Variants in RNF130 observed in about 807,000 individuals in gnomAD.
RNF130 encodes the protein E3 ubiquitin-protein ligase RNF130.
A neutral mutation model predicts 44.6 loss-of-function variants in RNF130; 21 were observed. That is an observed-to-expected ratio of 0.47 (90% CI 0.33 to 0.68). The LOEUF is 0.68. Among genes scored for constraint, RNF130 ranks in the 30% least tolerant of loss-of-function variants. The pLI is 0.02. For missense variants in RNF130, 479 were observed against 560.6 expected, an observed-to-expected ratio of 0.85 and a Z score of 1.47; for synonymous variants, 214 against 210.4, an observed-to-expected ratio of 1.02 and a Z score of -0.15.
chr5:180,043,642 A>G (rs6862105), intron 1 of RNF130, among the ~76,000 whole-genome samples: 121,370 of 151,942 alleles, frequency 0.8, 48,702 homozygotes, highest in South Asian at 0.93. Context: ...GTGCAACCAC[A>G]GAGCAAAAGT....
chr5:179,916,867 A>C (rs1296631901), exon 8 of RNF130: 1 of 152,378 alleles, frequency 6.6e-6, no homozygotes, highest in Non-Finnish European at 1.5e-5. Flanking sequence ...AACAGGAAAG[A>C]GGGGTTACTC....
chr5:179,935,515 C>CGT (rs34977597), intron 7 of RNF130, among the ~76,000 whole-genome samples: 64,646 of 150,510 alleles, frequency 0.43, 14,175 homozygotes, highest in East Asian at 0.59. Flanking sequence ...TATGTCAGCA[C>CGT]GTGTGTGTGT....
intron 7 of RNF130, among the ~76,000 whole-genome samples, chr5:179,941,152 C>A (rs549745708): frequency 6.6e-6 from 1 of 152,140 alleles, no homozygotes; most frequent in Admixed American, 6.5e-5. Context: ...TATTTCTGTT[C>A]TTTGTTTTTT....
chr5:179,933,419 T>TGTGTGTGTGTGTGTGTGTGTGTGA (rs1391165326), intron 7 of RNF130, among the ~76,000 whole-genome samples: 1 of 151,928 alleles, frequency 6.6e-6, no homozygotes, highest in Non-Finnish European at 1.5e-5. Flanking sequence ...TGTGTGTGTG[T>TGTGTGTGTGTGTGTGTGTGTGTGA]GTGAGTGTGT....
At chr5:180,061,344 T>C (rs139295459) in intron 1 of RNF130, among the ~76,000 whole-genome samples, 1 of 152,326 alleles carries the variant, frequency 6.6e-6, no homozygotes, top group Non-Finnish European at 1.5e-5. Flanking sequence ...GACTCTCTCC[T>C]GTGCTGGCAA....
intron 7 of RNF130, among the ~76,000 whole-genome samples, chr5:179,937,271 A>G (rs1196375791): frequency 6.6e-6 from 1 of 152,228 alleles, no homozygotes; most frequent in Non-Finnish European, 1.5e-5. Flanking sequence ...CACAACTTAT[A>G]GAATGGAGAA....
Position 179,967,051 on chromosome 5 carries a change from C to T in RNF130, c.946-41G>A, listed in dbSNP as rs781657961. 5 of 1,521,402 alleles carry T rather than the reference C, an allele frequency of 3.3e-6. No individual in the cohort carries two copies. The South Asian group carries it at 4.5e-5, about 14-fold the overall frequency. 94.2% of individuals were successfully genotyped at this position (1,521,402 alleles called of 1,614,324 possible). On this transcript the variant is annotated intron_variant, in intron 6 of 8. Coordinates refer to ENST00000521389, the MANE Select transcript of RNF130 (RefSeq NM_018434.6). ...AGGTTAAAAATAATTGTAAGGAAAA[C>T]ACAACCTTTCATAAGATTCTAAAAA...
intron 3 of RNF130, among the ~76,000 whole-genome samples, chr5:179,997,203 G>T (rs761496485): frequency 6.6e-6 from 1 of 152,074 alleles, no homozygotes; most frequent in African/African-American, 2.4e-5. Flanking sequence ...GTGCAGTGGC[G>T]TGATCTTGGC....
intron 1 of RNF130, among the ~76,000 whole-genome samples, chr5:180,058,088 A>G (rs893253900): frequency 6.6e-6 from 1 of 152,226 alleles, no homozygotes; most frequent in Non-Finnish European, 1.5e-5. Flanking sequence ...TCCTTTACAC[A>G]TAAGTTAAGG....
At chr5:180,063,178 T>G (rs750191247) in intron 1 of RNF130, among the ~76,000 whole-genome samples, 7 of 152,136 alleles carry the variant, frequency 4.6e-5, no homozygotes, top group Non-Finnish European at 8.8e-5. Flanking sequence ...TTTAAGATTA[T>G]TTTGGCTACT....
chr5:179,960,144 A>C (rs1762294770), intron 8 of RNF130, among the ~76,000 whole-genome samples: 1 of 152,226 alleles, frequency 6.6e-6, no homozygotes, highest in African/African-American at 2.4e-5. Context: ...CAAGGTTTAT[A>C]TGAATAGCCA....
Position 180,037,515 on chromosome 5 carries a change from T to C in RNF130, c.442+2938A>G, listed in dbSNP as rs1764277349. Among the ~76,000 whole-genome samples, 3 of 152,328 alleles carry C rather than the reference T, an allele frequency of 2.0e-5. No homozygotes were observed. The South Asian group carries it at 6.2e-4, about 32-fold the overall frequency. ...TCAGTGGAAAACCTGGGACTAAAAC[T>C]AGGTTTCCCTTCTTCACTGCCTTCT... is the stretch of plus-strand genomic sequence containing the variant. On this transcript the variant is annotated intron_variant, in intron 2 of 8. Coordinates refer to ENST00000521389, the MANE Select transcript of RNF130 (RefSeq NM_018434.6).
At chr5:180,019,633 A>G (rs1213174484) in intron 2 of RNF130, among the ~76,000 whole-genome samples, 3 of 152,190 alleles carry the variant, frequency 2.0e-5, no homozygotes, top group Middle Eastern at 3.2e-3. Context: ...TGATCCCTTA[A>G]AGAACTCAAG....
At chr5:179,972,767 T>C (rs1561675290) in intron 5 of RNF130, among the ~76,000 whole-genome samples, 1 of 152,148 alleles carries the variant, frequency 6.6e-6, no homozygotes, top group East Asian at 1.9e-4. Flanking sequence ...AAGAACCAAA[T>C]GGTATAATCC....
intron 5 of RNF130, among the ~76,000 whole-genome samples, chr5:179,972,972 AAAAC>A (rs1458365598): frequency 2.0e-5 from 3 of 152,166 alleles, no homozygotes; most frequent in African/African-American, 7.2e-5. Flanking sequence ...ACTATGAAGA[AAAAC>A]AAAAAAGACC....
intron 1 of RNF130, among the ~76,000 whole-genome samples, chr5:180,047,467 C>T (rs1383235263): frequency 2.0e-5 from 3 of 151,946 alleles, no homozygotes; most frequent in Non-Finnish European, 2.9e-5. Flanking sequence ...TTTTCTGGCC[C>T]GGCGTGGTGG....
intron 7 of RNF130, among the ~76,000 whole-genome samples, chr5:179,945,076 A>G (rs1283745352): frequency 6.6e-6 from 1 of 152,218 alleles, no homozygotes; most frequent in African/African-American, 2.4e-5. Flanking sequence ...CAGGAGTTCA[A>G]GACCAGTTTG....
chr5:180,046,731 T>G lies in RNF130; in HGVS notation c.248-6084A>C, dbSNP rs114403010. Reference sequence around the variant, plus strand: ...TGAGCCTCAGGATTCTGCCAAAATGTCTTCTCCAGAACGCTTTCCCAGCCT... The same window carrying G: ...TGAGCCTCAGGATTCTGCCAAAATGGCTTCTCCAGAACGCTTTCCCAGCCT... On this transcript the variant is annotated intron_variant, in intron 1 of 8. Transcript: ENST00000521389. Among the ~76,000 whole-genome samples the G allele has an allele frequency of 7.4e-3, 1,128 of 152,314 alleles. 17 individuals are homozygous for G. The highest frequency in any genetic ancestry group is 0.026 in the African/African-American group (1,072 of 41,576).
intron 7 of RNF130, among the ~76,000 whole-genome samples, chr5:179,923,240 AT>A (rs538576312): frequency 4.3e-4 from 62 of 145,358 alleles, no homozygotes; most frequent in African/African-American, 9.5e-4. Context: ...GTTGAAGTTC[AT>A]TTTTTTTTTT....
Sources: gnomAD v4.1 joint callset for allele counts (sites outside exome capture counted in the v4.1 genomes callset) on GRCh38, gnomAD v4.1.1 for gene constraint, MANE v1.5 for transcripts, NCBI Gene and HGNC (gene_info 2026-07-23, HGNC 2026-07-21) for gene names.